Variants in PCSK5 observed in about 807,000 individuals in gnomAD.
PCSK5 encodes prohormone convertase 5.
In PCSK5, 129 loss-of-function variants were observed where a neutral mutation model predicts 233.2. The observed-to-expected ratio is 0.55, with a 90% CI of 0.48 to 0.64. PCSK5 has a LOEUF of 0.64. PCSK5 is among the 30% of genes least tolerant of loss of function. The pLI is 0.00. For missense variants in PCSK5, 2,076 were observed against 2,430.1 expected (o/e 0.85, Z 3.06); for synonymous variants, 825 against 879.2 (o/e 0.94, Z 1.09).
chr9:76,309,522 C>T (rs990699325), intron 29 of PCSK5, among the ~76,000 whole-genome samples: 7 of 152,054 alleles, frequency 4.6e-5, no homozygotes, highest in African/African-American at 1.4e-4. Context: ...GGCAAGTCCC[C>T]GTCTCTACTA....
rs527809221 is a variant in PCSK5 at position 76,259,241 on chromosome 9, T to A, written c.3142+18557T>A. The stretch of plus-strand genomic sequence containing the variant: ...CAGTGTCTACCTCTTGTTCCTCACC[T>A]CCCTCTCCAGCTACACTGCAGGGCC... On this transcript the variant is annotated intron_variant, in intron 24 of 37. Coordinates refer to ENST00000674117, the MANE Select transcript of PCSK5 (RefSeq NM_001372043.1). Among the ~76,000 whole-genome samples the A allele has an allele frequency of 4.1e-4, 63 of 152,216 alleles. No individual in the cohort carries two copies. In the South Asian group the frequency reaches 0.013, roughly 31 times the overall value.
At chr9:75,986,278 A>T in intron 3 of PCSK5, 33 bp downstream of exon 3, 1 of 1,248,934 alleles carries the variant, frequency 8.0e-7, no homozygotes, top group South Asian at 1.2e-5. Flanking sequence ...GCCTAGGGCC[A>T]TGTCATCCGG....
At chr9:75,954,954 G>T (rs1425851624) in intron 2 of PCSK5, among the ~76,000 whole-genome samples, 5 of 152,138 alleles carry the variant, frequency 3.3e-5, no homozygotes. Flanking sequence ...TTTTAAAATA[G>T]ACATCTTCCT....
intron 1 of PCSK5, among the ~76,000 whole-genome samples, chr9:75,914,882 C>T (rs1044318834): frequency 6.6e-6 from 1 of 152,044 alleles, no homozygotes; most frequent in Non-Finnish European, 1.5e-5. Flanking sequence ...TATTTTTTCC[C>T]CTACTTCTGT....
chr9:75,957,467 C>T (rs946163690), intron 2 of PCSK5, among the ~76,000 whole-genome samples: 1 of 152,028 alleles, frequency 6.6e-6, no homozygotes, highest in East Asian at 1.9e-4. Flanking sequence ...CACTTGATGA[C>T]TTGTGGGTAT....
At chr9:76,188,536 A>T (rs369732990) in intron 17 of PCSK5, 42 bp from the exon 18 acceptor site, 1 of 1,375,024 alleles carries the variant, frequency 7.3e-7, no homozygotes, top group Non-Finnish European at 1.0e-6. Flanking sequence ...TTTTGGCCTC[A>T]TCACAACAGT....
chr9:76,110,819 T>C (rs770322950), intron 9 of PCSK5, among the ~76,000 whole-genome samples: 3 of 152,076 alleles, frequency 2.0e-5, no homozygotes, highest in Non-Finnish European at 4.4e-5. Context: ...ATGAAATAAC[T>C]TTGCTATGGC....
chr9:75,936,045 AG>A (rs559694185), intron 2 of PCSK5, among the ~76,000 whole-genome samples: 74 of 152,352 alleles, frequency 4.9e-4, no homozygotes, highest in Middle Eastern at 3.4e-3. Context: ...CGCATATAAA[AG>A]TTATGTTCAT....
chr9:76,266,732 A>G (rs17062301), intron 24 of PCSK5, among the ~76,000 whole-genome samples: 7,454 of 152,284 alleles, frequency 0.049, 477 homozygotes, highest in African/African-American at 0.15. Context: ...ATCATTGAAT[A>G]GAGCCTCAAG....
intron 5 of PCSK5, among the ~76,000 whole-genome samples, chr9:76,051,533 A>G (rs1429360972): frequency 2.0e-5 from 3 of 152,202 alleles, no homozygotes; most frequent in African/African-American, 7.2e-5. Flanking sequence ...TCATTACTTG[A>G]AAGTGTTATA....
intron 5 of PCSK5, among the ~76,000 whole-genome samples, chr9:76,062,840 A>G (rs114151651): frequency 0.014 from 2,094 of 152,322 alleles, 53 homozygotes; most frequent in African/African-American, 0.046. Flanking sequence ...TGAAATATAC[A>G]ATAAGCTATT....
At chr9:75,967,261 A>G (rs1563943665) in intron 2 of PCSK5, among the ~76,000 whole-genome samples, 1 of 152,104 alleles carries the variant, frequency 6.6e-6, no homozygotes, top group Non-Finnish European at 1.5e-5. Context: ...TCCGCCCTCT[A>G]GTAGCCCCCA....
chr9:76,224,893 T>C (rs1825839252), intron 20 of PCSK5, among the ~76,000 whole-genome samples: 1 of 152,216 alleles, frequency 6.6e-6, no homozygotes. Flanking sequence ...GCCTCATCTG[T>C]ATGATAAAGA....
chr9:75,990,396 G>A (rs577894661), intron 3 of PCSK5, among the ~76,000 whole-genome samples: 182 of 152,316 alleles, frequency 1.2e-3, no homozygotes, highest in African/African-American at 4.2e-3. Context: ...ATCATTATGT[G>A]TAGCCTTGAG....
chr9:76,096,659 T>G (rs1831529099), intron 8 of PCSK5, among the ~76,000 whole-genome samples: 1 of 151,426 alleles, frequency 6.6e-6, no homozygotes, highest in African/African-American at 2.4e-5. Flanking sequence ...TGGAGGGCAG[T>G]GGTGTGATCT....
chr9:76,150,897 T>C (rs1823646168), intron 10 of PCSK5, among the ~76,000 whole-genome samples: 1 of 152,024 alleles, frequency 6.6e-6, no homozygotes, highest in Non-Finnish European at 1.5e-5. Context: ...CACTATCAGA[T>C]ATTTAGGTGT....
At chr9:76,312,916 G>GT (rs1828905110) in intron 30 of PCSK5, among the ~76,000 whole-genome samples, 2 of 152,254 alleles carry the variant, frequency 1.3e-5, no homozygotes, top group Middle Eastern at 3.4e-3. Flanking sequence ...ACTAAGGGAG[G>GT]TTTACATCAG....
intron 2 of PCSK5, among the ~76,000 whole-genome samples, chr9:75,979,133 G>A (rs569388584): frequency 7.9e-5 from 12 of 152,018 alleles, no homozygotes; most frequent in East Asian, 3.9e-4. Flanking sequence ...GGATTATCGC[G>A]TCCACCCTGG....
Position 76,233,507 on chromosome 9 carries a change from T to C in PCSK5, c.2777T>C (p.Phe926Ser), listed in dbSNP as rs773525117. The C allele has an allele frequency of 1.4e-5, 23 of 1,612,590 alleles. No homozygotes were observed. The highest frequency in any genetic ancestry group is 1.9e-5 in the Non-Finnish European group (23 of 1,179,834). Residue 926 changes from phenylalanine to serine, a missense_variant, in exon 22 of 38, where the codon TTT (phenylalanine) becomes TCT (serine). Transcript: ENST00000674117. ...GTTTCGAACTGCCCCTCATGGAAAT[T>C]TGAATTTGAGAACCAATGCCATCCA... ...RCVSNCPSWK[F>S]EFENQCHPCH...
Sources: gnomAD v4.1 joint callset for allele counts (sites outside exome capture counted in the v4.1 genomes callset) on GRCh38, gnomAD v4.1.1 for gene constraint, MANE v1.5 for transcripts, NCBI Gene and HGNC (gene_info 2026-07-23, HGNC 2026-07-21) for gene names.